The following RAPGEF2 variants were observed in gnomAD, a reference collection of about 807,000 sequenced individuals.
RAPGEF2 encodes Rap guanine nucleotide exchange factor 2, also known as PDZ domain containing guanine nucleotide exchange factor (GEF) 1.
Under a neutral mutation model 186.7 loss-of-function variants are expected in RAPGEF2, and 54 were observed. The observed-to-expected ratio is 0.29, with a 90% CI of 0.23 to 0.36. RAPGEF2 has a LOEUF of 0.36. RAPGEF2 is among the 10% of genes least tolerant of loss of function. The probability of loss-of-function intolerance (pLI) is 1.00; values close to 1 mark genes in which losing one functional copy is unlikely to be tolerated. For synonymous variants in RAPGEF2, 712 were observed against 705.9 expected, an observed-to-expected ratio of 1.01 and a Z score of -0.14; for missense variants, 1,532 against 2,045.0, an observed-to-expected ratio of 0.75 and a Z score of 4.84.
chr4:159,274,867 A>C (rs1272831495), intron 7 of RAPGEF2, among the ~76,000 whole-genome samples: 2 of 152,200 alleles, frequency 1.3e-5, no homozygotes, highest in Non-Finnish European at 2.9e-5. Flanking sequence ...TTAAAAATGC[A>C]ACAAATTGCA....
At chr4:159,284,307 A>G (rs1760136524) in intron 7 of RAPGEF2, among the ~76,000 whole-genome samples, 1 of 152,144 alleles carries the variant, frequency 6.6e-6, no homozygotes, top group East Asian at 1.9e-4. Flanking sequence ...TTCTTGCCTC[A>G]GCCTTGATTT....
At chr4:159,135,049 C>T (rs762875939) in intron 1 of RAPGEF2, among the ~76,000 whole-genome samples, 74 of 151,750 alleles carry the variant, frequency 4.9e-4, no homozygotes, top group Non-Finnish European at 8.8e-4. Context: ...AATTTTTTTT[C>T]CTTTTGTTTT....
chr4:159,138,668 A>T (rs995750045), intron 1 of RAPGEF2, among the ~76,000 whole-genome samples: 12 of 152,162 alleles, frequency 7.9e-5, no homozygotes, highest in African/African-American at 2.4e-4. Context: ...AATGTTTTTT[A>T]AAAAAATGAT....
chr4:159,235,236 AT>A (rs1753116687), intron 4 of RAPGEF2, among the ~76,000 whole-genome samples: 1 of 151,942 alleles, frequency 6.6e-6, no homozygotes, highest in African/African-American at 2.4e-5. Flanking sequence ...ATTGTTTTTG[AT>A]TCTTTCCTTG....
chr4:159,181,292 C>A (rs1197452230), intron 1 of RAPGEF2, among the ~76,000 whole-genome samples: 7 of 152,182 alleles, frequency 4.6e-5, no homozygotes, highest in African/African-American at 1.7e-4. Context: ...CAAATTCTTG[C>A]TTCTACTGTG....
chr4:159,339,082 C>T, intron 18 of RAPGEF2, 32 bp from the exon 19 acceptor site: 1 of 1,598,144 alleles, frequency 6.3e-7, no homozygotes, highest in Admixed American at 1.7e-5. Context: ...AAAATTCTTT[C>T]TACTTATGTG....
At chr4:159,189,064 G>GA (rs1747844825) in intron 2 of RAPGEF2, among the ~76,000 whole-genome samples, 1 of 152,122 alleles carries the variant, frequency 6.6e-6, no homozygotes. Context: ...CAATTTCTGG[G>GA]AAAAATATAT....
At position 159,353,294 on chromosome 4, in the gene RAPGEF2, A is replaced by G. The variant is rs565005551; in HGVS notation, c.4092-193A>G. 9.5e-4 allele frequency among the ~76,000 whole-genome samples: 143 copies of G among 149,816 alleles called. No homozygotes were observed. Among genetic ancestry groups the G allele is most frequent in the Admixed American group, 4.0e-3 (60 of 15,026 alleles). On this transcript the variant is annotated intron_variant, in intron 27 of 29. Coordinates refer to ENST00000691494, the MANE Select transcript of RAPGEF2 (RefSeq NM_001394067.2). The surrounding 1 kb of genome is among the most constrained non-coding windows in gnomAD (Gnocchi z 4.3). Reference sequence around the variant, plus strand: ...CGTTCTTTTCCCGCATGCCTGTTTTATAGTAATGATAAAGTCAGAAGGCTA... The same window carrying G: ...CGTTCTTTTCCCGCATGCCTGTTTTGTAGTAATGATAAAGTCAGAAGGCTA...
At chr4:159,256,945 TTGTC>T (rs1308476837) in intron 7 of RAPGEF2, among the ~76,000 whole-genome samples, 1 of 152,184 alleles carries the variant, frequency 6.6e-6, no homozygotes, top group African/African-American at 2.4e-5. Flanking sequence ...TATTAGACCT[TTGTC>T]AGGTGGATAG....
chr4:159,185,286 T>A (rs998603449), intron 1 of RAPGEF2, among the ~76,000 whole-genome samples: 2 of 152,026 alleles, frequency 1.3e-5, no homozygotes, highest in African/African-American at 4.8e-5. Context: ...AAACATAGAG[T>A]TACCACGTGA....
chr4:159,314,877 T>C (rs941433048), intron 9 of RAPGEF2, 109 bp downstream of exon 9: 1 of 1,066,386 alleles, frequency 9.4e-7, no homozygotes, highest in African/African-American at 1.6e-5. Context: ...CTCATTAATT[T>C]ATTAATTTCC....
chr4:159,335,359 G>C (rs926429507), intron 17 of RAPGEF2, among the ~76,000 whole-genome samples: 3 of 152,094 alleles, frequency 2.0e-5, no homozygotes, highest in African/African-American at 7.2e-5. Flanking sequence ...TCAGTAACAA[G>C]GAAAGTGTTG....
At chr4:159,219,347 C>CT (rs70962664) in intron 4 of RAPGEF2, among the ~76,000 whole-genome samples, 1,679 of 81,388 alleles carry the variant, frequency 0.021, 231 homozygotes, top group African/African-American at 0.049. Context: ...CAACTGTATC[C>CT]TTTTTTTTTT....
Position 159,346,845 on chromosome 4 carries a change from C to T in RAPGEF2, c.3559C>T (p.Pro1187Ser). 1.9e-6 allele frequency: 3 copies of T among 1,614,198 alleles called. No homozygotes were observed. Among genetic ancestry groups the T allele is most frequent in the Non-Finnish European group, 2.5e-6 (3 of 1,180,034 alleles). ...PVKSETSPVA[P>S]RAGSQQKAQS... Reference sequence around the variant, plus strand: ...CAAATCCGAGACCTCTCCAGTAGCTCCAAGGGCAGGGTCACAACAGAAAGC... The same window carrying T: ...CAAATCCGAGACCTCTCCAGTAGCTTCAAGGGCAGGGTCACAACAGAAAGC... Residue 1187 changes from proline (P) to serine (S), a missense_variant, in exon 25 of 30, where the codon CCA (proline) becomes TCA (serine). Coordinates refer to ENST00000691494, the MANE Select transcript of RAPGEF2 (RefSeq NM_001394067.2).
At chr4:159,137,012 AATC>A (rs987515289) in intron 1 of RAPGEF2, among the ~76,000 whole-genome samples, 4 of 152,214 alleles carry the variant, frequency 2.6e-5, no homozygotes, top group Non-Finnish European at 4.4e-5. Flanking sequence ...GTAAATTTAT[AATC>A]ATCATAGGTT....
chr4:159,297,379 A>G (rs1401427504), intron 7 of RAPGEF2, among the ~76,000 whole-genome samples: 1 of 152,212 alleles, frequency 6.6e-6, no homozygotes, highest in Non-Finnish European at 1.5e-5. Context: ...TGCCAAATGC[A>G]TATTATTTTC....
At chr4:159,250,892 CG>C (rs1286271518) in intron 7 of RAPGEF2, among the ~76,000 whole-genome samples, 1 of 152,126 alleles carries the variant, frequency 6.6e-6, no homozygotes, top group Non-Finnish European at 1.5e-5. Flanking sequence ...TGGCCGGAGC[CG>C]GCTCCCTCTG....
At position 159,103,188 on chromosome 4, in the gene RAPGEF2, C is replaced by G. The variant is rs1737369256; in HGVS notation, c.-975C>G. ...CTCTCCGAGGGGGCTGTGCGCGGCTCTCGGCTTTCGGCCCTCGGACGCCCG... is the reference window on the plus strand; with the variant it reads ...CTCTCCGAGGGGGCTGTGCGCGGCTGTCGGCTTTCGGCCCTCGGACGCCCG... On this transcript the variant is annotated 5_prime_UTR_variant, in exon 1 of 30. Coordinates refer to ENST00000691494, the MANE Select transcript of RAPGEF2 (RefSeq NM_001394067.2). 6.6e-6 allele frequency: 1 copy of G among 151,878 alleles called. No individual in the cohort carries two copies. The allele number at this position is 151,878 out of a possible 1,614,324, so 9.4% of individuals were successfully genotyped here.
intron 4 of RAPGEF2, among the ~76,000 whole-genome samples, chr4:159,232,017 T>TA (rs1752696423): frequency 6.6e-6 from 1 of 152,216 alleles, no homozygotes; most frequent in Non-Finnish European, 1.5e-5. Flanking sequence ...TTTGTTAAAA[T>TA]AGAGATTCTA....
Sources: allele counts gnomAD v4.1 joint callset (sites outside exome capture counted in the v4.1 genomes callset), GRCh38; gene constraint gnomAD v4.1.1; non-coding constraint Gnocchi (gnomAD v3.1); transcripts MANE v1.5; gene names NCBI Gene and HGNC (gene_info 2026-07-23, HGNC 2026-07-21).